Variants in KCNG2 observed in about 807,000 individuals in gnomAD.
KCNG2 encodes the protein voltage-gated potassium channel regulatory subunit KCNG2.
KCNG2 carries 7 observed loss-of-function variants against 12.3 expected under a neutral mutation model. That is an observed-to-expected ratio of 0.57 (90% CI 0.32 to 1.07). The LOEUF (loss-of-function observed/expected upper bound fraction) is 1.07. Among genes scored for constraint, KCNG2 ranks in the 50% least tolerant of loss-of-function variants. KCNG2 has a pLI of 0.04. For synonymous variants in KCNG2, 414 were observed against 351.4 expected, an observed-to-expected ratio of 1.18 and a Z score of -1.99; for missense variants, 703 against 726.0, an observed-to-expected ratio of 0.97 and a Z score of 0.36.
chr18:79,848,021 CAG>C (rs947694144), intron 1 of KCNG2, among the ~76,000 whole-genome samples: 12 of 152,140 alleles, frequency 7.9e-5, no homozygotes, highest in African/African-American at 2.7e-4. Flanking sequence ...CCTGGGCAAA[CAG>C]GGAGTGAGGG....
chr18:79,818,585 G>C (rs2087547281), intron 1 of KCNG2, among the ~76,000 whole-genome samples: 1 of 152,226 alleles, frequency 6.6e-6, no homozygotes, highest in African/African-American at 2.4e-5. Flanking sequence ...AATGACCCCA[G>C]CCCATCAGTC....
chr18:79,822,270 C>G lies in KCNG2; in HGVS notation c.-115+24256C>G, dbSNP rs1344941932. 1.3e-5 allele frequency among the ~76,000 whole-genome samples: 2 copies of G among 152,114 alleles called. No homozygotes were observed. Among genetic ancestry groups the G allele is most frequent in the African/African-American group, 2.4e-5 (1 of 41,406 alleles). On this transcript the variant is annotated intron_variant, in intron 1 of 3. Coordinates refer to ENST00000316249, the MANE Select transcript of KCNG2 (RefSeq NM_012283.2). The surrounding 1 kb of genome is among the most constrained non-coding windows in gnomAD (Gnocchi z 4.4). Reference sequence around the variant, plus strand: ...GCAGAATGGTCCAGACCAGGGATTCCCACTGGCCCCGCCCTGGTCACTACT... The same window carrying G: ...GCAGAATGGTCCAGACCAGGGATTCGCACTGGCCCCGCCCTGGTCACTACT...
chr18:79,864,122 C>G lies in KCNG2; in HGVS notation c.455C>G (p.Pro152Arg). ...GGGAGCCCGGCGCGCGCCCTGGGAC[C>G]TCGGGGGCGGCTGCAGCGCGGCCGG... ...AQGSPARALG[P>R]RGRLQRGRRR... The change falls in exon 3 of 4, where the codon CCT becomes CGT. Residue 152 changes from proline (P) to arginine (R), a missense_variant. By Grantham distance (103) the Pro-to-Arg change is moderately radical (BLOSUM62 -2). Transcript: ENST00000316249. The G allele has an allele frequency of 8.0e-7, 1 of 1,254,066 alleles. No homozygotes were observed. The highest frequency in any genetic ancestry group is 1.0e-6 in the Non-Finnish European group (1 of 997,576). The allele number at this position is 1,254,066 out of a possible 1,614,324, so 77.7% of individuals were successfully genotyped here. A position where few individuals can be genotyped will look rare whatever the true frequency, so the allele number is the denominator to read the frequency against.
chr18:79,892,163 T>C (rs1379496640), intron 3 of KCNG2, among the ~76,000 whole-genome samples: 1 of 152,002 alleles, frequency 6.6e-6, no homozygotes, highest in Admixed American at 6.6e-5. Flanking sequence ...TCTCCAACTA[T>C]TATTATGGAA....
chr18:79,805,107 C>T (rs2087438991), intron 1 of KCNG2, among the ~76,000 whole-genome samples: 1 of 152,140 alleles, frequency 6.6e-6, no homozygotes, highest in South Asian at 2.1e-4. Flanking sequence ...TGTTGATGTT[C>T]CAAATACCAC....
rs901454162 is a variant in KCNG2 at position 79,884,785 on chromosome 18, G to A, written c.625-14255G>A. On this transcript the variant is annotated intron_variant, in intron 3 of 3. Coordinates refer to ENST00000316249, the MANE Select transcript of KCNG2 (RefSeq NM_012283.2). The surrounding 1 kb of genome is among the most constrained non-coding windows in gnomAD (Gnocchi z 5.5). Reference sequence around the variant, plus strand: ...TCGGGGGGGCTCATCCTGGGGCCCAGGAACTCGGGAGCGGTTTACCCACAG... The same window carrying A: ...TCGGGGGGGCTCATCCTGGGGCCCAAGAACTCGGGAGCGGTTTACCCACAG... 3.3e-5 allele frequency among the ~76,000 whole-genome samples: 5 copies of A among 152,218 alleles called. No homozygotes were observed. Among genetic ancestry groups the A allele is most frequent in the African/African-American group, 1.2e-4 (5 of 41,456 alleles).
intron 1 of KCNG2, among the ~76,000 whole-genome samples, chr18:79,826,052 G>A (rs1978285442): frequency 1.3e-5 from 2 of 152,244 alleles, no homozygotes; most frequent in African/African-American, 4.8e-5. Flanking sequence ...GGAAGCTCTC[G>A]GCGTCGGGGC....
intron 3 of KCNG2, among the ~76,000 whole-genome samples, chr18:79,870,333 G>A (rs978913812): frequency 2.6e-5 from 4 of 152,218 alleles, no homozygotes; most frequent in East Asian, 1.9e-4. Context: ...TTGCAATGAC[G>A]TGGTGTGGTT....
intron 1 of KCNG2, among the ~76,000 whole-genome samples, chr18:79,851,859 C>G (rs1031671288): frequency 1.3e-5 from 2 of 152,066 alleles, no homozygotes; most frequent in South Asian, 4.1e-4. Context: ...TGCACGTGTG[C>G]GTGTGAGGAC....
chr18:79,801,807 C>T lies in KCNG2; in HGVS notation c.-115+3793C>T, dbSNP rs892444904. 3.9e-5 allele frequency among the ~76,000 whole-genome samples: 6 copies of T among 152,216 alleles called. No homozygotes were observed. In the East Asian group the frequency reaches 7.7e-4, roughly 20 times the overall value. On this transcript the variant is annotated intron_variant, in intron 1 of 3. Transcript: ENST00000316249. ...TTGTTCCTGGCTGAGCTCCTGGGTG[C>T]GGCACACAGAGGGGCTCCTGTGCCC...
At chr18:79,888,532 C>T in intron 3 of KCNG2, among the ~76,000 whole-genome samples, 1 of 151,306 alleles carries the variant, frequency 6.6e-6, no homozygotes, top group African/African-American at 2.4e-5. Context: ...CGGCGTCCTC[C>T]TCATGAGGCC....
chr18:79,840,293 A>G (rs567239417), intron 1 of KCNG2, among the ~76,000 whole-genome samples: 2 of 152,342 alleles, frequency 1.3e-5, no homozygotes, highest in African/African-American at 4.8e-5. Context: ...GACATAAGAT[A>G]AACATACAAA....
At chr18:79,875,522 T>C (rs1296713580) in intron 3 of KCNG2, among the ~76,000 whole-genome samples, 2 of 152,192 alleles carry the variant, frequency 1.3e-5, no homozygotes. Flanking sequence ...GTCATGTGTT[T>C]CTCCTGTCGG....
At position 79,863,916 on chromosome 18, in the gene KCNG2, G is replaced by C; in HGVS notation, c.249G>C (p.Ala83=). The part of the protein sequence containing the change: ...RSPCAFRAIV[A]LLRAGKLRLL... ...CGTGCGCCTTCCGCGCCATCGTGGC[G>C]CTTTTGCGCGCAGGGAAGCTGCGAC... Residue 83 remains alanine, a synonymous_variant, in exon 3 of 4, where the codon GCG becomes GCC. Coordinates refer to ENST00000316249, the MANE Select transcript of KCNG2 (RefSeq NM_012283.2). 7.2e-7 allele frequency: 1 copy of C among 1,392,552 alleles called. No homozygotes were observed. The highest frequency in any genetic ancestry group is 9.4e-7 in the Non-Finnish European group (1 of 1,068,678). The allele number at this position is 1,392,552 out of a possible 1,614,324, so 86.3% of individuals were successfully genotyped here. A position where few individuals can be genotyped will look rare whatever the true frequency, so the allele number is the denominator to read the frequency against.
chr18:79,885,817 G>A (rs1398511773), intron 3 of KCNG2, among the ~76,000 whole-genome samples: 7 of 148,548 alleles, frequency 4.7e-5, no homozygotes, highest in Non-Finnish European at 9.0e-5. Flanking sequence ...ACATAGGGAC[G>A]TGGGGACGGG....
rs138908109 is a variant in KCNG2, at chr18:79,818,385, G to A, written c.-115+20371G>A. On this transcript the variant is annotated intron_variant, in intron 1 of 3. Coordinates refer to ENST00000316249, the MANE Select transcript of KCNG2 (RefSeq NM_012283.2). ...TGGCCAGCCCGCGAGAGATGCGCCAGGGTCGACTGCAGACTCTCAGCCAGC... is the reference window on the plus strand; with the variant it reads ...TGGCCAGCCCGCGAGAGATGCGCCAAGGTCGACTGCAGACTCTCAGCCAGC... 8.9e-3 allele frequency among the ~76,000 whole-genome samples: 1,356 copies of A among 152,358 alleles called. 10 individuals carry two copies. Among genetic ancestry groups the A allele is most frequent in the Admixed American group, 0.024 (365 of 15,306 alleles).
Position 79,864,234 on chromosome 18 carries a change from C to T in KCNG2, c.567C>T (p.Val189=). 1.3e-6 allele frequency: 2 copies of T among 1,552,938 alleles called. No homozygotes were observed. The highest frequency in any genetic ancestry group is 1.7e-6 in the Non-Finnish European group (2 of 1,154,000). The change falls in exon 3 of 4, where the codon GTC becomes GTT. Residue 189 remains valine (V), a synonymous_variant. Coordinates refer to ENST00000316249, the MANE Select transcript of KCNG2 (RefSeq NM_012283.2). ...FACVSVSFVA[V]TAVGLCLSTM... ...GCGTGTCCGTGTCCTTCGTGGCCGT[C>T]ACGGCCGTGGGCCTCTGCCTGAGCA...
intron 1 of KCNG2, among the ~76,000 whole-genome samples, chr18:79,820,910 C>T (rs749554956): frequency 6.6e-6 from 1 of 152,166 alleles, no homozygotes; most frequent in African/African-American, 2.4e-5. Context: ...AGCCTCCCAA[C>T]GTGCTGGGAT....
At chr18:79,895,879 G>C (rs1273096242) in intron 3 of KCNG2, among the ~76,000 whole-genome samples, 1 of 152,214 alleles carries the variant, frequency 6.6e-6, no homozygotes, top group East Asian at 1.9e-4. Flanking sequence ...CACGGAGCAC[G>C]TTGTTTCTGT....
Sources: allele counts gnomAD v4.1 joint callset (sites outside exome capture counted in the v4.1 genomes callset), GRCh38; gene constraint gnomAD v4.1.1; non-coding constraint Gnocchi (gnomAD v3.1); transcripts MANE v1.5; gene names NCBI Gene and HGNC (gene_info 2026-07-23, HGNC 2026-07-21).